PPP1R1C: variants seen among roughly 807,000 people sequenced by gnomAD.
PPP1R1C encodes the protein protein phosphatase 1 regulatory subunit 1C.
A neutral mutation model predicts 17.4 loss-of-function variants in PPP1R1C; 15 were observed. The observed-to-expected ratio is 0.86, with a 90% confidence interval of 0.58 to 1.33. The LOEUF (loss-of-function observed/expected upper bound fraction) is 1.33, where lower values mean the gene tolerates loss of function less well. Ranked by LOEUF, PPP1R1C falls within the 40% of genes most tolerant of loss-of-function variation. The probability of loss-of-function intolerance (pLI) is 0.00; values close to 1 mark genes in which losing one functional copy is unlikely to be tolerated. For missense variants in PPP1R1C, 143 were observed against 130.0 expected, an observed-to-expected ratio of 1.10 and a Z score of -0.48; for synonymous variants, 35 against 43.1, an observed-to-expected ratio of 0.81 and a Z score of 0.73.
downstream of PPP1R1C, chr2:182,131,254 A>G (rs1416525115): frequency 3.3e-5 from 5 of 152,128 alleles, no homozygotes; most frequent in Non-Finnish European, 5.9e-5. Flanking sequence ...ATACATTTCT[A>G]TATACACATG....
intron 2 of PPP1R1C, among the ~76,000 whole-genome samples, chr2:182,015,240 C>T (rs150652171): frequency 1.8e-4 from 28 of 152,188 alleles, no homozygotes; most frequent in African/African-American, 5.5e-4. Flanking sequence ...CAGTTTACCC[C>T]GTACTGTTCT....
intron 4 of PPP1R1C, among the ~76,000 whole-genome samples, chr2:182,104,181 T>A (rs924834589): frequency 5.9e-5 from 9 of 152,226 alleles, no homozygotes; most frequent in African/African-American, 2.2e-4. Flanking sequence ...CTTTCTAATC[T>A]GTGTGACTTG....
At chr2:182,120,659 A>G (rs1441256414), downstream of PPP1R1C, among the ~76,000 whole-genome samples, 3 of 152,196 alleles carry the variant, frequency 2.0e-5, no homozygotes, top group East Asian at 3.8e-4. Flanking sequence ...GCCCCTTGAG[A>G]GTATTTGAGA....
At chr2:182,049,476 A>G (rs1301465925) in intron 2 of PPP1R1C, among the ~76,000 whole-genome samples, 2 of 152,158 alleles carry the variant, frequency 1.3e-5, no homozygotes, top group African/African-American at 2.4e-5. Context: ...TAATGAAAAT[A>G]TACTAAGGTT....
chr2:181,956,932 ACT>A (rs1684679634), intron 1 of PPP1R1C, among the ~76,000 whole-genome samples: 1 of 152,184 alleles, frequency 6.6e-6, no homozygotes, highest in Non-Finnish European at 1.5e-5. Context: ...TTGTTGAGTC[ACT>A]CTGTAATTAA....
At chr2:181,993,378 A>G (rs1017906280) in intron 2 of PPP1R1C, among the ~76,000 whole-genome samples, 2 of 152,134 alleles carry the variant, frequency 1.3e-5, no homozygotes, top group African/African-American at 4.8e-5. Flanking sequence ...AAAGATGAGT[A>G]AGACATTATC....
intron 2 of PPP1R1C, among the ~76,000 whole-genome samples, chr2:182,024,664 C>G (rs1686537360): frequency 6.6e-6 from 1 of 151,734 alleles, no homozygotes; most frequent in African/African-American, 2.4e-5. Context: ...CGAGACCAGC[C>G]TGCAACACGG....
At chr2:182,048,385 A>G (rs1687406956) in intron 2 of PPP1R1C, among the ~76,000 whole-genome samples, 1 of 152,218 alleles carries the variant, frequency 6.6e-6, no homozygotes, top group East Asian at 1.9e-4. Context: ...GGAGAGTTTG[A>G]TAAGTCAGGA....
chr2:182,019,499 A>G (rs1293141290), intron 2 of PPP1R1C, among the ~76,000 whole-genome samples: 1 of 152,172 alleles, frequency 6.6e-6, no homozygotes, highest in Non-Finnish European at 1.5e-5. Context: ...CAATGGTACT[A>G]TGCTGTTTGT....
chr2:182,095,407 T>C (rs1054889873), intron 4 of PPP1R1C, among the ~76,000 whole-genome samples: 16 of 152,244 alleles, frequency 1.1e-4, no homozygotes, highest in African/African-American at 3.6e-4. Context: ...TTTTAGATAT[T>C]TGGCTTGTCT....
At chr2:181,984,010 A>T (rs1014307831), upstream of PPP1R1C, among the ~76,000 whole-genome samples, 6 of 152,260 alleles carry the variant, frequency 3.9e-5, no homozygotes, top group South Asian at 1.2e-3. Flanking sequence ...ATTGGTATTT[A>T]TACCAAACAC....
chr2:182,030,939 G>A (rs891472717), intron 2 of PPP1R1C: 14 of 157,112 alleles, frequency 8.9e-5, no homozygotes, highest in African/African-American at 1.2e-4. Flanking sequence ...AAGCCGGTCC[G>A]AAAAGCACAA....
intron 2 of PPP1R1C, among the ~76,000 whole-genome samples, chr2:182,009,196 G>T (rs1443703487): frequency 6.6e-6 from 1 of 151,926 alleles, no homozygotes; most frequent in Non-Finnish European, 1.5e-5. Context: ...TTTTTTTCAG[G>T]AACCTCCATA....
At chr2:182,042,107 T>C (rs915018215) in intron 2 of PPP1R1C, among the ~76,000 whole-genome samples, 2 of 152,200 alleles carry the variant, frequency 1.3e-5, no homozygotes, top group African/African-American at 4.8e-5. Context: ...ATTGTGATAA[T>C]TGAATTATGT....
intron 4 of PPP1R1C, among the ~76,000 whole-genome samples, chr2:182,108,784 C>A (rs142979294): frequency 0.016 from 2,399 of 152,206 alleles, 36 homozygotes; most frequent in South Asian, 0.058. Context: ...ACTATTGATT[C>A]TGTCTTCCAA....
At chr2:182,002,982 TG>T (rs2125150445) in intron 2 of PPP1R1C, among the ~76,000 whole-genome samples, 1 of 133,648 alleles carries the variant, frequency 7.5e-6, no homozygotes, top group African/African-American at 2.8e-5. Flanking sequence ...ACTATTATAT[TG>T]GGAGAAAATT....
intron 4 of PPP1R1C, 150 bp from the exon 5 acceptor site, chr2:182,117,057 T>C (rs1304987443): frequency 1.6e-6 from 1 of 633,304 alleles, no homozygotes; most frequent in Admixed American, 3.1e-5. Flanking sequence ...TTAAAAGGTT[T>C]ATATAGGATT....
rs113233692 is a variant in PPP1R1C, at chr2:182,055,799, T to C, written c.143-5643T>C. Reference sequence around the variant, plus strand: ...ATTTTAGAGACATTTTAAAACTGCTTTGATGTTTTCAAATTGCTCTGATGT... The same window carrying C: ...ATTTTAGAGACATTTTAAAACTGCTCTGATGTTTTCAAATTGCTCTGATGT... On this transcript the variant is annotated intron_variant, in intron 2 of 4. Transcript: ENST00000682840. 1.3e-3 allele frequency among the ~76,000 whole-genome samples: 194 copies of C among 152,324 alleles called. 3 individuals are homozygous for C. Among genetic ancestry groups the C allele is most frequent in the African/African-American group, 4.5e-3 (189 of 41,584 alleles).
intron 2 of PPP1R1C, among the ~76,000 whole-genome samples, chr2:182,009,291 T>A (rs1446351155): frequency 6.6e-6 from 1 of 152,156 alleles, no homozygotes; most frequent in Admixed American, 6.5e-5. Context: ...CACCAGCATT[T>A]GTTATTGCCT....
Sources: allele counts gnomAD v4.1 joint callset (sites outside exome capture counted in the v4.1 genomes callset), GRCh38; gene constraint gnomAD v4.1.1; transcripts MANE v1.5; gene names NCBI Gene and HGNC (gene_info 2026-07-23, HGNC 2026-07-21).